KCNH6: variants seen among roughly 807,000 people sequenced by gnomAD.
KCNH6 encodes potassium voltage-gated channel subfamily H member 6.
KCNH6 carries 81 observed loss-of-function variants against 83.4 expected under a neutral mutation model. The ratio of observed to expected loss-of-function variants is 0.97; its 90% confidence interval spans 0.81 to 1.17. KCNH6 has a LOEUF of 1.17. Ranked by LOEUF, KCNH6 falls within the 50% of genes most tolerant of loss-of-function variation. The pLI is 0.00. For missense variants in KCNH6, 1,203 were observed against 1,290.5 expected, an observed-to-expected ratio of 0.93 and a Z score of 1.04; for synonymous variants, 503 against 545.6, an observed-to-expected ratio of 0.92 and a Z score of 1.09.
chr17:63,525,800 A>G (rs1322423922), intron 2 of KCNH6, among the ~76,000 whole-genome samples: 2 of 152,142 alleles, frequency 1.3e-5, no homozygotes, highest in Non-Finnish European at 1.5e-5. Flanking sequence ...GGGTTAATGA[A>G]CTCAGAATAT....
intron 10 of KCNH6, 25 bp downstream of exon 10, chr17:63,543,685 C>T (rs757188387): frequency 1.4e-6 from 2 of 1,476,148 alleles, no homozygotes; most frequent in South Asian, 1.1e-5. Flanking sequence ...CCCCCACCCC[C>T]ACCAGCCTGT....
chr17:63,543,805 C>G (rs903390752), intron 10 of KCNH6, 145 bp downstream of exon 10: 5 of 646,028 alleles, frequency 7.7e-6, no homozygotes, highest in South Asian at 1.8e-5. Flanking sequence ...AGAGCTGGAG[C>G]CTTGGCCCTC....
intron 8 of KCNH6, among the ~76,000 whole-genome samples, chr17:63,539,167 G>A (rs1186593591): frequency 6.6e-6 from 1 of 152,140 alleles, no homozygotes; most frequent in Non-Finnish European, 1.5e-5. Flanking sequence ...GTGACCTTGG[G>A]CAAGTCACTT....
At chr17:63,542,502 C>G in intron 9 of KCNH6, 68 bp downstream of exon 9, 1 of 1,368,912 alleles carries the variant, frequency 7.3e-7, no homozygotes, top group Non-Finnish European at 1.0e-6. Flanking sequence ...CTGAGGGCAC[C>G]CATCTGACCA....
rs1295067932 is a variant in KCNH6, at chr17:63,538,547, C to T, written c.1839C>T (p.Thr613=). ...LRALAVKFKT[T]HAPPGDTLVH... is the part of the protein sequence containing the mutation. ...CGCTAGCCGTCAAGTTCAAGACCAC[C>T]CACGCGCCGCCTGGGGACACGCTGG... is the stretch of plus-strand genomic sequence containing the variant. The change falls in exon 8 of 13, where the codon ACC becomes ACT. Residue 613 remains threonine, a synonymous_variant. Transcript: ENST00000314672. The surrounding 1 kb of genome is among the most constrained non-coding windows in gnomAD (Gnocchi z 4.0). The T allele has an allele frequency of 6.2e-7, 1 of 1,611,030 alleles. No individual in the cohort carries two copies. Among genetic ancestry groups the T allele is most frequent in the East Asian group, 2.2e-5 (1 of 44,740 alleles).
Position 63,534,795 on chromosome 17 carries a change from C to G in KCNH6, c.1101+484C>G, listed in dbSNP as rs945848453. 1.3e-5 allele frequency among the ~76,000 whole-genome samples: 2 copies of G among 152,168 alleles called. No homozygotes were observed. Among genetic ancestry groups the G allele is most frequent in the Non-Finnish European group, 2.9e-5 (2 of 68,020 alleles). ...CCACGGTCTCCTCTTGCCCCCTCTC[C>G]TCACGATCAGCTTTTCACTGAAATC... On this transcript the variant is annotated intron_variant, in intron 5 of 12. Transcript: ENST00000314672. The surrounding 1 kb of genome is among the most constrained non-coding windows in gnomAD (Gnocchi z 5.0).
chr17:63,534,115 T>C lies in KCNH6; in HGVS notation c.905T>C (p.Val302Ala), dbSNP rs1568074229. Reference protein sequence around the residue: ...ACSYTCSPLTVVDLIVDIMFV... With the variant: ...ACSYTCSPLTAVDLIVDIMFV... The stretch of plus-strand genomic sequence containing the variant: ...AGCTATACCTGCAGTCCCCTCACTG[T>C]GGTGGATCTCATCGTGGACATCATG... Residue 302 changes from valine to alanine, a missense_variant, in exon 5 of 13, where the codon GTG becomes GCG. Physicochemically the swap from Val to Ala is moderately conservative, Grantham distance 64 (BLOSUM62 0). Transcript: ENST00000314672. The surrounding 1 kb of genome is among the most constrained non-coding windows in gnomAD (Gnocchi z 5.0). 10 of 1,459,888 alleles carry C rather than the reference T, an allele frequency of 6.8e-6. No individual in the cohort carries two copies. Among genetic ancestry groups the C allele is most frequent in the Non-Finnish European group, 9.3e-6 (10 of 1,073,934 alleles). 90.4% of individuals were successfully genotyped at this position (1,459,888 alleles called of 1,614,324 possible).
In KCNH6 at chr17:63,524,345, G is replaced by C. The variant is rs2031556676; in HGVS notation, c.283G>C (p.Asp95His). 1.2e-6 allele frequency: 2 copies of C among 1,613,712 alleles called. No individual in the cohort carries two copies. Among genetic ancestry groups the C allele is most frequent in the Non-Finnish European group, 1.7e-6 (2 of 1,179,970 alleles). Residue 95 changes from aspartate to histidine, a missense_variant, in exon 2 of 13, where the codon GAC becomes CAC. Transcript: ENST00000314672. ...GCTGGGGGCTGAGGAGTGCAAGGTG[G>C]ACATCCTCTACTACCGCAAGGATGG... ...ALLGAEECKVDILYYRKDASS... is the reference protein window; with the variant it reads ...ALLGAEECKVHILYYRKDASS...
At chr17:63,539,787 G>T (rs897245481) in intron 8 of KCNH6, among the ~76,000 whole-genome samples, 3 of 152,126 alleles carry the variant, frequency 2.0e-5, no homozygotes, top group Non-Finnish European at 1.5e-5. Context: ...CCTTTCCCAT[G>T]GCCCTGCGTC....
In KCNH6 at chr17:63,538,327, G is replaced by A. The variant is rs1473959017; in HGVS notation, c.1701+63G>A. 2 of 1,608,292 alleles carry A rather than the reference G, an allele frequency of 1.2e-6. No individual in the cohort carries two copies. Among genetic ancestry groups the A allele is most frequent in the Non-Finnish European group, 1.7e-6 (2 of 1,177,368 alleles). On this transcript the variant is annotated intron_variant, in intron 7 of 12. Coordinates refer to ENST00000314672, the MANE Select transcript of KCNH6 (RefSeq NM_001278919.2). This position sits in a 1 kb window ranked among gnomAD's most constrained non-coding sequence, Gnocchi z 4.0. ...GGGGGAGCCAAGATCCTGCGGGGGC[G>A]GGGCGTCCCCAGAGCCCTCACCACC...
At chr17:63,526,682 C>T (rs1370450295) in intron 2 of KCNH6, among the ~76,000 whole-genome samples, 7 of 152,092 alleles carry the variant, frequency 4.6e-5, no homozygotes, top group Non-Finnish European at 1.0e-4. Context: ...CCCCCCAACC[C>T]CCAACTCCAG....
Position 63,538,209 on chromosome 17 carries a change from T to C in KCNH6, c.1646T>C (p.Leu549Pro). 6.2e-7 allele frequency: 1 copy of C among 1,614,144 alleles called. No homozygotes were observed. Among genetic ancestry groups the C allele is most frequent in the Non-Finnish European group, 8.5e-7 (1 of 1,180,020 alleles). ...HQIPNPLRQRLEEYFQHAWSY... is the reference protein window; with the variant it reads ...HQIPNPLRQRPEEYFQHAWSY... Reference sequence around the variant, plus strand: ...ATCCCCAACCCACTGCGCCAGCGCCTGGAGGAGTATTTCCAGCACGCCTGG... The same window carrying C: ...ATCCCCAACCCACTGCGCCAGCGCCCGGAGGAGTATTTCCAGCACGCCTGG... Residue 549 changes from leucine (L) to proline (P), a missense_variant, in exon 7 of 13, where the codon CTG becomes CCG. Physicochemically the swap from Leu to Pro is moderately conservative, Grantham distance 98. Transcript: ENST00000314672. The surrounding 1 kb of genome is among the most constrained non-coding windows in gnomAD (Gnocchi z 4.0).
intron 9 of KCNH6, among the ~76,000 whole-genome samples, chr17:63,543,211 G>A (rs954926434): frequency 6.6e-6 from 1 of 152,192 alleles, no homozygotes; most frequent in Non-Finnish European, 1.5e-5. Flanking sequence ...CCAGCTTCCT[G>A]AGCATAGAGC....
intron 12 of KCNH6, 78 bp from the exon 13 acceptor site, chr17:63,545,531 C>A: frequency 6.8e-7 from 1 of 1,475,902 alleles, no homozygotes; most frequent in South Asian, 1.3e-5. Context: ...CAATTTTTGC[C>A]TGATCCCATC....
rs1598019030 is a variant in KCNH6, at chr17:63,546,093, A to G, written c.*191A>G. ...ACTAAAATTAAAAAAGAAAAAAAATAGCCGGGCGTGGTGGCAGGCGCCTGT... is the reference window on the plus strand; with the variant it reads ...ACTAAAATTAAAAAAGAAAAAAAATGGCCGGGCGTGGTGGCAGGCGCCTGT... On this transcript the variant is annotated 3_prime_UTR_variant, in exon 13 of 13. Coordinates refer to ENST00000314672, the MANE Select transcript of KCNH6 (RefSeq NM_001278919.2). 7.3e-6 allele frequency: 4 copies of G among 547,044 alleles called. No homozygotes were observed. In the East Asian group the frequency reaches 1.2e-4, roughly 17 times the overall value. The allele number at this position is 547,044 out of a possible 1,614,324, so 33.9% of individuals were successfully genotyped here.
chr17:63,538,267 G>T lies in KCNH6; in HGVS notation c.1701+3G>T. 6.2e-7 allele frequency: 1 copy of T among 1,612,046 alleles called. No homozygotes were observed. The highest frequency in any genetic ancestry group is 8.5e-7 in the Non-Finnish European group (1 of 1,179,210). Reference sequence around the variant, plus strand: ...CCAATGGCATTGACATGAACGCGGTGAGCCCCGCCGCTCCGGCTAATGCCC... The same window carrying T: ...CCAATGGCATTGACATGAACGCGGTTAGCCCCGCCGCTCCGGCTAATGCCC... On this transcript the variant is annotated splice_donor_region_variant and intron_variant, in intron 7 of 12. Coordinates refer to ENST00000314672, the MANE Select transcript of KCNH6 (RefSeq NM_001278919.2). This position sits in a 1 kb window ranked among gnomAD's most constrained non-coding sequence, Gnocchi z 4.0.
chr17:63,540,098 G>A, intron 8 of KCNH6, among the ~76,000 whole-genome samples: 1 of 152,202 alleles, frequency 6.6e-6, no homozygotes, highest in East Asian at 1.9e-4. Flanking sequence ...CTTAGGCACA[G>A]GTTTCTGTAT....
Position 63,543,601 on chromosome 17 carries a change from C to T in KCNH6, c.2174C>T (p.Pro725Leu). 10 of 1,613,252 alleles carry T rather than the reference C, an allele frequency of 6.2e-6. No homozygotes were observed. Among genetic ancestry groups the T allele is most frequent in the East Asian group, 2.2e-5 (1 of 44,882 alleles). ...RDAAGGLHSS[P>L]RQAPGSQDHQ... is the part of the protein sequence containing the mutation. ...GCAGCCGGGGGTCTCCACTCATCCCCCCGACAGGCTCCTGGCAGCCAAGAC... is the reference window on the plus strand; with the variant it reads ...GCAGCCGGGGGTCTCCACTCATCCCTCCGACAGGCTCCTGGCAGCCAAGAC... Residue 725 changes from proline (P) to leucine (L), a missense_variant, in exon 10 of 13, where the codon CCC (proline) becomes CTC (leucine). By Grantham distance (98) the Pro-to-Leu change is moderately conservative. Coordinates refer to ENST00000314672, the MANE Select transcript of KCNH6 (RefSeq NM_001278919.2).
At chr17:63,532,731 T>C (rs2032204776) in intron 4 of KCNH6, among the ~76,000 whole-genome samples, 1 of 152,192 alleles carries the variant, frequency 6.6e-6, no homozygotes, top group Non-Finnish European at 1.5e-5. Flanking sequence ...ATTGCAAATT[T>C]TCCTAAATCA....
Sources: gnomAD v4.1 joint callset for allele counts (sites outside exome capture counted in the v4.1 genomes callset) on GRCh38, gnomAD v4.1.1 for gene constraint, Gnocchi (gnomAD v3.1) non-coding constraint, MANE v1.5 for transcripts, NCBI Gene and HGNC (gene_info 2026-07-23, HGNC 2026-07-21) for gene names.